Variants in MTA3 observed in about 807,000 individuals in gnomAD.
MTA3 encodes the protein metastasis associated 1 family member 3, also known as metastasis-associated protein MTA3.
In MTA3, 34 loss-of-function variants were observed where a neutral mutation model predicts 83.5. The observed-to-expected ratio is 0.41, with a 90% confidence interval of 0.31 to 0.54. MTA3 has a LOEUF of 0.54. MTA3 is among the 20% of genes least tolerant of loss of function. MTA3 has a pLI of 0.33. For missense variants in MTA3, 761 were observed against 726.4 expected (o/e 1.05, Z -0.55); for synonymous variants, 303 against 252.7 (o/e 1.20, Z -1.89).
At chr2:42,624,486 A>C (rs1485549119) in intron 4 of MTA3, among the ~76,000 whole-genome samples, 2 of 151,864 alleles carry the variant, frequency 1.3e-5, no homozygotes, top group Admixed American at 1.3e-4. Context: ...ACACCCAGCT[A>C]ATTTTTGTAT....
chr2:42,683,663 T>C (rs1049876035), intron 9 of MTA3, among the ~76,000 whole-genome samples: 7 of 152,284 alleles, frequency 4.6e-5, no homozygotes, highest in African/African-American at 1.4e-4. Context: ...CATTAGGCAT[T>C]AGATTCTCAT....
At chr2:42,594,654 AT>A (rs1302152832) in intron 3 of MTA3, among the ~76,000 whole-genome samples, 3 of 9,740 alleles carry the variant, frequency 3.1e-4, no homozygotes, top group African/African-American at 9.0e-4. Context: ...ATATATATAA[AT>A]ATATATATAC....
rs1670120708 is a variant in MTA3, at chr2:42,754,714, G to A, written c.*1315G>A. 2 of 985,406 alleles carry A rather than the reference G, an allele frequency of 2.0e-6. No homozygotes were observed. Among genetic ancestry groups the A allele is most frequent in the African/African-American group, 3.5e-5 (2 of 57,222 alleles). The allele number at this position is 985,406 out of a possible 1,614,324, so 61.0% of individuals were successfully genotyped here. ...GGGGTTACTAGGAGGCAGCTGGATG[G>A]CAGATACGAGAGGCCCAAATAGCCA... is the stretch of plus-strand genomic sequence containing the variant. On this transcript the variant is annotated 3_prime_UTR_variant, in exon 17 of 17. Coordinates refer to ENST00000405094, the MANE Select transcript of MTA3 (RefSeq NM_001330442.2).
intron 4 of MTA3, among the ~76,000 whole-genome samples, chr2:42,638,881 TA>T (rs1486622158): frequency 9.2e-6 from 1 of 108,590 alleles, no homozygotes; most frequent in Non-Finnish European, 1.8e-5. Flanking sequence ...AAGACATTTT[TA>T]TAAGGGGTTT....
intron 16 of MTA3, among the ~76,000 whole-genome samples, chr2:42,741,278 A>G (rs910624049): frequency 6.6e-6 from 1 of 152,150 alleles, no homozygotes; most frequent in Non-Finnish European, 1.5e-5. Flanking sequence ...TGCTGGTTTG[A>G]TCTTGTATTC....
chr2:42,503,975 G>C (rs1168642262), intron 2 of MTA3, among the ~76,000 whole-genome samples: 1 of 140,898 alleles, frequency 7.1e-6, no homozygotes, highest in Non-Finnish European at 1.5e-5. Flanking sequence ...CCAGGCTGGT[G>C]TGCAGTGGCA....
intron 3 of MTA3, among the ~76,000 whole-genome samples, chr2:42,601,879 G>T (rs1408952152): frequency 1.3e-5 from 2 of 151,912 alleles, no homozygotes; most frequent in Admixed American, 1.3e-4. Context: ...TTGCTCTGTT[G>T]TCCAGGTTGG....
intron 3 of MTA3, among the ~76,000 whole-genome samples, chr2:42,603,914 C>T (rs1490988609): frequency 6.6e-6 from 1 of 152,140 alleles, no homozygotes; most frequent in Non-Finnish European, 1.5e-5. Flanking sequence ...TCTCACCTGG[C>T]TAATTTTTCT....
At chr2:42,682,610 A>G in intron 9 of MTA3, 21 bp downstream of exon 9, 1 of 1,584,788 alleles carries the variant, frequency 6.3e-7, no homozygotes, top group Non-Finnish European at 8.6e-7. Flanking sequence ...AATTATGAGT[A>G]AAATAAAATG....
intron 3 of MTA3, among the ~76,000 whole-genome samples, chr2:42,588,718 T>G (rs1456500553): frequency 6.6e-6 from 1 of 152,152 alleles, no homozygotes; most frequent in Non-Finnish European, 1.5e-5. Flanking sequence ...ATTAGTGTTT[T>G]ACCCGAGAAA....
chr2:42,582,355 G>A (rs1330937827), intron 3 of MTA3, among the ~76,000 whole-genome samples: 1 of 152,230 alleles, frequency 6.6e-6, no homozygotes, highest in East Asian at 1.9e-4. Flanking sequence ...ACTGCGCCCA[G>A]CCCGAGATAT....
At chr2:42,599,133 G>A (rs1682224567) in intron 3 of MTA3, among the ~76,000 whole-genome samples, 1 of 152,160 alleles carries the variant, frequency 6.6e-6, no homozygotes, top group Non-Finnish European at 1.5e-5. Flanking sequence ...CCTCATGCCA[G>A]TTCCTTTCCG....
intron 8 of MTA3, among the ~76,000 whole-genome samples, chr2:42,666,593 G>C (rs1328163280): frequency 6.6e-6 from 1 of 152,114 alleles, no homozygotes; most frequent in African/African-American, 2.4e-5. Context: ...CCACATCTTG[G>C]CTAATCCATC....
At chr2:42,682,887 G>A (rs776129526) in intron 9 of MTA3, among the ~76,000 whole-genome samples, 11 of 152,042 alleles carry the variant, frequency 7.2e-5, no homozygotes, top group Non-Finnish European at 7.4e-5. Context: ...CCTGGCCAAT[G>A]TGGTGAAACC....
At chr2:42,577,191 T>A (rs536105802) in intron 2 of MTA3, among the ~76,000 whole-genome samples, 1 of 149,112 alleles carries the variant, frequency 6.7e-6, no homozygotes, top group African/African-American at 2.5e-5. Context: ...ACTCATTTCA[T>A]TAAATGCCAT....
intron 2 of MTA3, among the ~76,000 whole-genome samples, chr2:42,559,726 A>G (rs1048448639): frequency 6.8e-6 from 1 of 146,590 alleles, no homozygotes; most frequent in Non-Finnish European, 1.5e-5. Flanking sequence ...TAAACACAAA[A>G]TTAGCCAGGC....
intron 4 of MTA3, among the ~76,000 whole-genome samples, chr2:42,622,688 T>C (rs1156461915): frequency 1.3e-5 from 2 of 151,990 alleles, no homozygotes; most frequent in Admixed American, 6.6e-5. Flanking sequence ...AATGGGATCT[T>C]GTTTTGTTGC....
intron 4 of MTA3, among the ~76,000 whole-genome samples, chr2:42,619,737 A>G (rs1685321377): frequency 6.6e-6 from 1 of 152,208 alleles, no homozygotes; most frequent in Non-Finnish European, 1.5e-5. Context: ...TTATGCCCAG[A>G]TGTCCCCCAA....
chr2:42,553,846 GGGCGACAGAGCAA>G (rs1472663638), intron 2 of MTA3, among the ~76,000 whole-genome samples: 1 of 141,282 alleles, frequency 7.1e-6, no homozygotes, highest in East Asian at 2.0e-4. Context: ...AGTCCAGCCT[GGGCGACAGAGCAA>G]GACTCCATCT....
Sources: allele counts gnomAD v4.1 joint callset (sites outside exome capture counted in the v4.1 genomes callset), GRCh38; gene constraint gnomAD v4.1.1; transcripts MANE v1.5; gene names NCBI Gene and HGNC (gene_info 2026-07-23, HGNC 2026-07-21).